Variants in CHRM2 observed in about 807,000 individuals in gnomAD.
CHRM2 encodes the protein muscarinic acetylcholine receptor M2.
Under a neutral mutation model 25.0 loss-of-function variants are expected in CHRM2, and 8 were observed. The ratio of observed to expected loss-of-function variants is 0.32; its 90% CI spans 0.19 to 0.58. CHRM2 has a LOEUF of 0.58. Among genes scored for constraint, CHRM2 ranks in the 20% least tolerant of loss-of-function variants. The pLI is 0.88. For synonymous variants in CHRM2, 202 were observed against 205.7 expected, an observed-to-expected ratio of 0.98 and a Z score of 0.15; for missense variants, 440 against 567.1, an observed-to-expected ratio of 0.78 and a Z score of 2.28.
chr7:137,004,622 A>C (rs1287340754), intron 3 of CHRM2, among the ~76,000 whole-genome samples: 3 of 152,156 alleles, frequency 2.0e-5, no homozygotes, highest in African/African-American at 7.2e-5. Context: ...TGAGGTCATA[A>C]ACCAAAAAGT....
rs1208654224 is a variant in CHRM2, at chr7:136,908,330, A to C, written c.-125+38912A>C. 3.3e-5 allele frequency among the ~76,000 whole-genome samples: 5 copies of C among 151,956 alleles called. No individual in the cohort carries two copies. In the East Asian group the frequency reaches 9.7e-4, roughly 29 times the overall value. Reference sequence around the variant, plus strand: ...AATAGTTACGAGGCTCTTATTCTTAACTACTGTGCAATACCACCTCAATAC... The same window carrying C: ...AATAGTTACGAGGCTCTTATTCTTACCTACTGTGCAATACCACCTCAATAC... On this transcript the variant is annotated intron_variant, in intron 2 of 3. Coordinates refer to ENST00000680005, the MANE Select transcript of CHRM2 (RefSeq NM_001006630.2).
intron 2 of CHRM2, among the ~76,000 whole-genome samples, chr7:136,927,398 G>A (rs1233875572): frequency 1.3e-5 from 2 of 152,006 alleles, no homozygotes; most frequent in Non-Finnish European, 2.9e-5. Context: ...TAAAATGGTG[G>A]TGGTGGTGTG....
At chr7:137,002,036 T>C (rs765052717) in intron 3 of CHRM2, among the ~76,000 whole-genome samples, 40 of 152,118 alleles carry the variant, frequency 2.6e-4, no homozygotes, top group Non-Finnish European at 2.5e-4. Flanking sequence ...AGGAATGAAG[T>C]TGTCAAGATA....
chr7:136,941,280 G>A (rs58394792), intron 2 of CHRM2, among the ~76,000 whole-genome samples: 21,246 of 152,090 alleles, frequency 0.14, 2,014 homozygotes, highest in East Asian at 0.37. Flanking sequence ...TTCATGATCT[G>A]GTTGCAACCC....
chr7:137,008,836 G>T (rs1268427747), intron 3 of CHRM2, among the ~76,000 whole-genome samples: 1 of 151,930 alleles, frequency 6.6e-6, no homozygotes, highest in East Asian at 1.9e-4. Context: ...ATCAACCATG[G>T]ATTCGTTTTT....
At chr7:136,895,004 A>G (rs1563050522) in intron 2 of CHRM2, among the ~76,000 whole-genome samples, 2 of 152,140 alleles carry the variant, frequency 1.3e-5, no homozygotes, top group Admixed American at 6.5e-5. Flanking sequence ...ACAACTCTAC[A>G]GTATTTTGGA....
chr7:136,943,048 T>A (rs1563080721), intron 2 of CHRM2, among the ~76,000 whole-genome samples: 1 of 152,146 alleles, frequency 6.6e-6, no homozygotes, highest in Non-Finnish European at 1.5e-5. Context: ...TGTCTTCAGC[T>A]CAAATAACAG....
intron 2 of CHRM2, among the ~76,000 whole-genome samples, chr7:136,986,567 T>A (rs778825159): frequency 6.6e-6 from 1 of 152,216 alleles, no homozygotes; most frequent in East Asian, 1.9e-4. Context: ...CATGTTGGGT[T>A]CATCAATTAA....
At chr7:136,872,833 G>T (rs1032718506) in intron 2 of CHRM2, among the ~76,000 whole-genome samples, 1 of 152,204 alleles carries the variant, frequency 6.6e-6, no homozygotes, top group Non-Finnish European at 1.5e-5. Context: ...GAATCTGTAG[G>T]TATATCAATA....
intron 2 of CHRM2, among the ~76,000 whole-genome samples, chr7:136,912,342 T>C (rs1797887121): frequency 6.6e-6 from 1 of 151,978 alleles, no homozygotes. Context: ...TCTTAAATTA[T>C]CTGCTGTGGT....
In CHRM2 at chr7:137,019,998, A is replaced by T. The variant is rs1805350732; in HGVS notation, c.*3732A>T. 1 of 151,776 alleles carries T rather than the reference A, an allele frequency of 6.6e-6. No individual in the cohort carries two copies. Among genetic ancestry groups the T allele is most frequent in the African/African-American group, 2.4e-5 (1 of 41,376 alleles). 9.4% of individuals were successfully genotyped at this position (151,776 alleles called of 1,614,324 possible). Reference sequence around the variant, plus strand: ...CAACAACCATAGTACCGGTGTTGCAAATAGTTTAGGAAAGCACCCAAAGCT... The same window carrying T: ...CAACAACCATAGTACCGGTGTTGCATATAGTTTAGGAAAGCACCCAAAGCT... On this transcript the variant is annotated 3_prime_UTR_variant, in exon 4 of 4. Transcript: ENST00000680005.
chr7:137,011,524 G>A (rs1178739834), intron 3 of CHRM2, among the ~76,000 whole-genome samples: 3 of 151,928 alleles, frequency 2.0e-5, no homozygotes, highest in Non-Finnish European at 4.4e-5. Context: ...TTCTGAAATT[G>A]TTCTCACTGG....
At chr7:136,897,268 T>C (rs1050236690) in intron 2 of CHRM2, among the ~76,000 whole-genome samples, 4 of 152,044 alleles carry the variant, frequency 2.6e-5, no homozygotes, top group Admixed American at 2.6e-4. Flanking sequence ...AGCCAATGCA[T>C]ATCTAAGAGG....
At chr7:136,996,813 G>C (rs975314260) in intron 3 of CHRM2, among the ~76,000 whole-genome samples, 1 of 152,158 alleles carries the variant, frequency 6.6e-6, no homozygotes, top group African/African-American at 2.4e-5. Flanking sequence ...TTATTACCCA[G>C]TACTAACAGC....
intron 2 of CHRM2, among the ~76,000 whole-genome samples, chr7:136,928,793 A>T (rs1292125977): frequency 6.6e-6 from 1 of 152,152 alleles, no homozygotes; most frequent in Non-Finnish European, 1.5e-5. Flanking sequence ...CTTTCTTTTC[A>T]GGGGTAAAGT....
chr7:136,995,120 T>C (rs1563114399), intron 3 of CHRM2, among the ~76,000 whole-genome samples: 1 of 152,272 alleles, frequency 6.6e-6, no homozygotes, highest in African/African-American at 2.4e-5. Flanking sequence ...CCTATACACA[T>C]TGTATAGAAG....
chr7:136,952,365 T>C (rs1244377640), intron 2 of CHRM2, among the ~76,000 whole-genome samples: 1 of 152,200 alleles, frequency 6.6e-6, no homozygotes, highest in East Asian at 1.9e-4. Context: ...AATTGCTTTA[T>C]TGATTTATAG....
intron 2 of CHRM2, among the ~76,000 whole-genome samples, chr7:136,876,864 AATG>A (rs1425425904): frequency 1.3e-5 from 2 of 152,150 alleles, no homozygotes; most frequent in African/African-American, 4.8e-5. Flanking sequence ...TAGTGCTTTA[AATG>A]ATAAGATTCT....
At chr7:136,966,184 A>AT (rs34410846) in intron 2 of CHRM2, among the ~76,000 whole-genome samples, 126,336 of 149,218 alleles carry the variant, frequency 0.85, 54,203 homozygotes, top group Middle Eastern at 0.97. Flanking sequence ...TCTTCTGCAA[A>AT]TTTTTTTTTT....
Sources: gnomAD v4.1 joint callset for allele counts (sites outside exome capture counted in the v4.1 genomes callset) on GRCh38, gnomAD v4.1.1 for gene constraint, MANE v1.5 for transcripts, NCBI Gene and HGNC (gene_info 2026-07-23, HGNC 2026-07-21) for gene names.